Variants in ADGRE2 observed in about 807,000 individuals in gnomAD.
ADGRE2 encodes adhesion G protein-coupled receptor E2, also known as CD97 antigen.
ADGRE2 carries 83 observed loss-of-function variants against 100.8 expected under a neutral mutation model. That is an observed-to-expected ratio of 0.82 (90% CI 0.69 to 0.99). ADGRE2 has a LOEUF of 0.99. Ranked by LOEUF, ADGRE2 falls within the 50% of genes least tolerant of loss-of-function variation. ADGRE2 has a pLI of 0.00. For missense variants in ADGRE2, 814 were observed against 1,035.7 expected (o/e 0.79, Z 2.94); for synonymous variants, 355 against 413.0 (o/e 0.86, Z 1.70).
chr19:14,740,103 TAA>T (rs398120849), intron 20 of ADGRE2, among the ~76,000 whole-genome samples: 8 of 75,812 alleles, frequency 1.1e-4, no homozygotes, highest in Admixed American at 2.4e-4. Flanking sequence ...AGACTCTGTC[TAA>T]AAAAAAAAAA....
intron 1 of ADGRE2, chr19:14,777,163 G>A: frequency 2.2e-6 from 2 of 917,684 alleles, no homozygotes; most frequent in Non-Finnish European, 2.6e-6. Context: ...CGGGCGGGGC[G>A]GTCTCGCCTG....
intron 13 of ADGRE2, 86 bp from the exon 14 acceptor site, chr19:14,755,213 C>A: frequency 7.4e-7 from 1 of 1,342,494 alleles, no homozygotes; most frequent in Non-Finnish European, 1.0e-6. Flanking sequence ...GCAGGTGGAT[C>A]ACTTGAGGTC....
intron 20 of ADGRE2, among the ~76,000 whole-genome samples, chr19:14,736,786 G>GATATTTAGAAA (rs1568572856): frequency 8.3e-6 from 1 of 120,742 alleles, no homozygotes; most frequent in Non-Finnish European, 1.7e-5. Flanking sequence ...ATATTTAGAA[G>GATATTTAGAAA]TATAGATATT....
chr19:14,772,892 A>T (rs933820608), intron 4 of ADGRE2, among the ~76,000 whole-genome samples: 3 of 150,404 alleles, frequency 2.0e-5, no homozygotes, highest in Non-Finnish European at 4.4e-5. Context: ...CCAGCCTGCC[A>T]ACAGGGCAAA....
At chr19:14,758,163 A>G (rs935374554) in intron 11 of ADGRE2, among the ~76,000 whole-genome samples, 6 of 152,258 alleles carry the variant, frequency 3.9e-5, no homozygotes, top group Admixed American at 1.3e-4. Context: ...GAAAAATTAG[A>G]TAAAATAAAT....
intron 11 of ADGRE2, among the ~76,000 whole-genome samples, chr19:14,762,253 G>GGATT (rs1313799397): frequency 3.3e-5 from 5 of 149,468 alleles, no homozygotes; most frequent in African/African-American, 9.9e-5. Context: ...ATGGATGGAT[G>GGATT]GATAAAAAAA....
intron 20 of ADGRE2, among the ~76,000 whole-genome samples, chr19:14,736,809 G>GATATTTAATATCTAT (rs1568572898): frequency 8.6e-4 from 65 of 75,194 alleles, no homozygotes; most frequent in African/African-American, 3.3e-3. Context: ...GAAATATATA[G>GATATTTAATATCTAT]ATATTTAGAA....
rs1201979590 is a variant in ADGRE2 at position 14,776,879 on chromosome 19, G to C, written c.-123C>G. On this transcript the variant is annotated 5_prime_UTR_variant, in exon 2 of 21. Transcript: ENST00000315576. The stretch of plus-strand genomic sequence containing the variant: ...GAGGCCAGGACTTTATAAAGGAGGG[G>C]GGGCGGACAGCCGCTGGCCCAGGGC... 1.1e-5 allele frequency: 17 copies of C among 1,532,422 alleles called. No homozygotes were observed. Among genetic ancestry groups the C allele is most frequent in the Non-Finnish European group, 1.5e-5 (17 of 1,137,062 alleles). The allele number at this position is 1,532,422 out of a possible 1,614,324, so 94.9% of individuals were successfully genotyped here.
In ADGRE2 at chr19:14,755,825, A is replaced by T; in HGVS notation, c.1245T>A (p.Ala415=). ...CAGGTTCCAGGACCAGAGGGGCCTC[A>T]GCCAGCAACTTGCCCATCCCTGGAA... ...VSIPGMGKLL[A]EAPLVLEPEK... The change falls in exon 13 of 21, where the codon GCT becomes GCA. Residue 415 remains alanine (A), a synonymous_variant. Transcript: ENST00000315576. 1 of 1,614,234 alleles carries T rather than the reference A, an allele frequency of 6.2e-7. No individual in the cohort carries two copies. The highest frequency in any genetic ancestry group is 1.1e-5 in the South Asian group (1 of 91,090).
chr19:14,743,226 A>T (rs2042981889), intron 20 of ADGRE2, among the ~76,000 whole-genome samples, 194 bp downstream of exon 20: 1 of 151,920 alleles, frequency 6.6e-6, no homozygotes. Context: ...TGATGCTGGG[A>T]TGACAGGCTA....
chr19:14,733,372 G>A lies in ADGRE2; in HGVS notation c.*2864C>T, dbSNP rs367641418. On this transcript the variant is annotated 3_prime_UTR_variant, in exon 21 of 21. Coordinates refer to ENST00000315576, the MANE Select transcript of ADGRE2 (RefSeq NM_013447.4). ...CAGTAAAATGCAGATAAAACAGCTC[G>A]GGCACAGAGGAAGGTGGAGGAAAAG... The A allele has an allele frequency of 4.6e-5, 7 of 152,110 alleles. No homozygotes were observed. Among genetic ancestry groups the A allele is most frequent in the East Asian group, 3.8e-4 (2 of 5,204 alleles). The allele number at this position is 152,110 out of a possible 1,614,324, so 9.4% of individuals were successfully genotyped here. A position where few individuals can be genotyped will look rare whatever the true frequency, so the allele number is the denominator to read the frequency against.
At chr19:14,762,805 G>A (rs1026750048) in intron 11 of ADGRE2, among the ~76,000 whole-genome samples, 3 of 151,808 alleles carry the variant, frequency 2.0e-5, no homozygotes, top group African/African-American at 7.3e-5. Flanking sequence ...CACCACGCCT[G>A]TCTAATTTTT....
chr19:14,726,687 A>G, the ADGRE2 span, among the ~76,000 whole-genome samples: 24 of 152,254 alleles, frequency 1.6e-4, no homozygotes, highest in East Asian at 4.6e-3. Context: ...AAGCCTTAGG[A>G]CATAGACGCA....
At position 14,755,053 on chromosome 19, in the gene ADGRE2, G is replaced by T; in HGVS notation, c.1491C>A (p.Thr497=). 6.2e-7 allele frequency: 1 copy of T among 1,614,006 alleles called. No individual in the cohort carries two copies. The highest frequency in any genetic ancestry group is 8.5e-7 in the Non-Finnish European group (1 of 1,180,018). The change falls in exon 14 of 21, where the codon ACC becomes ACA. Residue 497 remains threonine (T), a synonymous_variant. Transcript: ENST00000315576. ...TGGTGCCTATTGTGCTGCAGCCTGT[G>T]GTGGCCCAGTGACCACATCCATTCT... ...HGQNGCGHWA[T]TGCSTIGTRD...
intron 1 of ADGRE2, chr19:14,777,165 T>C: frequency 1.1e-6 from 1 of 919,030 alleles, no homozygotes; most frequent in Non-Finnish European, 1.3e-6. Context: ...GGCGGGGCGG[T>C]CTCGCCTGGG....
chr19:14,751,388 G>A, intron 16 of ADGRE2, 48 bp downstream of exon 16: 1 of 1,412,226 alleles, frequency 7.1e-7, no homozygotes, highest in East Asian at 2.3e-5. Flanking sequence ...TCTAGCAATG[G>A]CCATGGTTAT....
At chr19:14,749,082 G>T (rs1216491193) in intron 16 of ADGRE2, among the ~76,000 whole-genome samples, 1 of 150,246 alleles carries the variant, frequency 6.7e-6, no homozygotes, top group East Asian at 1.9e-4. Context: ...ATAATTATAA[G>T]ATCACATTAT....
At chr19:14,742,756 T>C (rs1406030438) in intron 20 of ADGRE2, among the ~76,000 whole-genome samples, 2 of 152,156 alleles carry the variant, frequency 1.3e-5, no homozygotes, top group African/African-American at 2.4e-5. Flanking sequence ...TAGACTTGTA[T>C]GTAGAGGAAA....
intron 7 of ADGRE2, 131 bp from the exon 8 acceptor site, chr19:14,765,935 C>G (rs554943451): frequency 3.5e-6 from 5 of 1,427,798 alleles, no homozygotes; most frequent in Non-Finnish European, 4.9e-6. Flanking sequence ...GTTATGGAAG[C>G]GTGGAGAGGC....
Sources: allele counts gnomAD v4.1 joint callset (sites outside exome capture counted in the v4.1 genomes callset), GRCh38; gene constraint gnomAD v4.1.1; transcripts MANE v1.5; gene names NCBI Gene and HGNC (gene_info 2026-07-23, HGNC 2026-07-21).